Variants in GPR158 observed in about 807,000 individuals in gnomAD.
GPR158 encodes the protein G protein-coupled receptor 158.
In GPR158, 30 loss-of-function variants were observed where a neutral mutation model predicts 78.2. That is an observed-to-expected ratio of 0.38 (90% CI 0.29 to 0.52). The LOEUF (loss-of-function observed/expected upper bound fraction) is 0.52. Among genes scored for constraint, GPR158 ranks in the 20% least tolerant of loss-of-function variants. The pLI is 0.83. For synonymous variants in GPR158, 581 were observed against 591.1 expected (o/e 0.98, Z 0.25); for missense variants, 1,463 against 1,523.5 (o/e 0.96, Z 0.66).
At chr10:25,237,859 TATC>T (rs1195152079) in intron 2 of GPR158, among the ~76,000 whole-genome samples, 9 of 152,210 alleles carry the variant, frequency 5.9e-5, no homozygotes, top group African/African-American at 1.7e-4. Flanking sequence ...TTGAAAAACT[TATC>T]ATAATCAATT....
At chr10:25,252,573 G>T (rs28863900) in intron 2 of GPR158, among the ~76,000 whole-genome samples, 1 of 151,036 alleles carries the variant, frequency 6.6e-6, no homozygotes, top group Non-Finnish European at 1.5e-5. Flanking sequence ...ATACCCTGCC[G>T]TGTGAGGTGT....
chr10:25,579,219 A>AT (rs1236710973), intron 7 of GPR158, among the ~76,000 whole-genome samples: 1 of 149,446 alleles, frequency 6.7e-6, no homozygotes, highest in African/African-American at 2.5e-5. Context: ...CATGTTCAGG[A>AT]TTTTTTGCAA....
chr10:25,287,165 A>AT (rs895149383), intron 2 of GPR158, among the ~76,000 whole-genome samples: 14 of 151,292 alleles, frequency 9.3e-5, no homozygotes, highest in African/African-American at 3.4e-4. Flanking sequence ...ATGTAGAGAG[A>AT]TTTTTTTCCT....
chr10:25,292,580 T>C (rs1854455001), intron 2 of GPR158, among the ~76,000 whole-genome samples: 1 of 152,072 alleles, frequency 6.6e-6, no homozygotes, highest in Non-Finnish European at 1.5e-5. Context: ...AGTAAACAGT[T>C]GGAGAATGGG....
At chr10:25,208,069 A>G (rs1361718810) in intron 1 of GPR158, among the ~76,000 whole-genome samples, 1 of 152,222 alleles carries the variant, frequency 6.6e-6, no homozygotes, top group African/African-American at 2.4e-5. Context: ...GTAGGAGTTT[A>G]AAATATAATG....
At chr10:25,204,901 C>T (rs1298995933) in intron 1 of GPR158, among the ~76,000 whole-genome samples, 2 of 145,918 alleles carry the variant, frequency 1.4e-5, no homozygotes, top group African/African-American at 2.6e-5. Context: ...AACCAAATCT[C>T]ATCTTGAATT....
At chr10:25,526,761 T>C (rs1836351553) in intron 5 of GPR158, among the ~76,000 whole-genome samples, 2 of 152,118 alleles carry the variant, frequency 1.3e-5, no homozygotes, top group South Asian at 4.1e-4. Flanking sequence ...GCAGAGCTGG[T>C]CCACAGATGC....
chr10:25,182,347 A>G (rs1336674216), intron 1 of GPR158, among the ~76,000 whole-genome samples: 1 of 152,168 alleles, frequency 6.6e-6, no homozygotes, highest in African/African-American at 2.4e-5. Flanking sequence ...ATTTCTCTCG[A>G]GAGAATACAT....
chr10:25,489,058 T>C (rs1208388125), intron 5 of GPR158, among the ~76,000 whole-genome samples: 2 of 152,172 alleles, frequency 1.3e-5, no homozygotes, highest in Admixed American at 1.3e-4. Flanking sequence ...GCCTAGAATT[T>C]CTTTGAAGTC....
At chr10:25,346,624 T>A (rs924283380) in intron 2 of GPR158, among the ~76,000 whole-genome samples, 2 of 151,924 alleles carry the variant, frequency 1.3e-5, no homozygotes, top group African/African-American at 4.8e-5. Flanking sequence ...GGTAAGAGAT[T>A]AAATTGAAGT....
chr10:25,264,267 C>T (rs1172603313), intron 2 of GPR158, among the ~76,000 whole-genome samples: 1 of 152,166 alleles, frequency 6.6e-6, no homozygotes, highest in Non-Finnish European at 1.5e-5. Context: ...GTAAGCAGGT[C>T]TGCAGTTTCC....
chr10:25,253,608 T>A (rs1293561714), intron 2 of GPR158, among the ~76,000 whole-genome samples: 1 of 152,184 alleles, frequency 6.6e-6, no homozygotes, highest in Non-Finnish European at 1.5e-5. Context: ...AAGCTTGCTG[T>A]GTAGAAGATA....
At chr10:25,248,388 C>T (rs945571250) in intron 2 of GPR158, among the ~76,000 whole-genome samples, 1 of 152,038 alleles carries the variant, frequency 6.6e-6, no homozygotes, top group Non-Finnish European at 1.5e-5. Flanking sequence ...TGGTCCTTGC[C>T]CATGCCTATG....
intron 1 of GPR158, among the ~76,000 whole-genome samples, chr10:25,220,074 A>G (rs1853278077): frequency 6.6e-6 from 1 of 152,148 alleles, no homozygotes; most frequent in African/African-American, 2.4e-5. Context: ...AATTGTTTAA[A>G]TTAGGGGTGT....
intron 5 of GPR158, among the ~76,000 whole-genome samples, chr10:25,482,331 A>C (rs565997515): frequency 2.6e-5 from 4 of 151,978 alleles, no homozygotes; most frequent in Non-Finnish European, 5.9e-5. Flanking sequence ...CAATAGGTGT[A>C]TGCCACCACA....
intron 2 of GPR158, among the ~76,000 whole-genome samples, chr10:25,238,806 T>G (rs1364960120): frequency 6.6e-6 from 1 of 152,208 alleles, no homozygotes; most frequent in Non-Finnish European, 1.5e-5. Flanking sequence ...CATGATCACA[T>G]TTAGGTTTCT....
chr10:25,343,025 G>A (rs544201203), intron 2 of GPR158, among the ~76,000 whole-genome samples: 47 of 151,990 alleles, frequency 3.1e-4, no homozygotes, highest in Non-Finnish European at 4.9e-4. Context: ...ATCAATGAAA[G>A]TCTCTGATTT....
At chr10:25,468,007 TG>T (rs1835448873) in intron 5 of GPR158, among the ~76,000 whole-genome samples, 1 of 152,184 alleles carries the variant, frequency 6.6e-6, no homozygotes, top group East Asian at 1.9e-4. Context: ...ATGGCAGCAT[TG>T]CTCCGTACCA....
At chr10:25,238,762 G>A (rs1267217141) in intron 2 of GPR158, among the ~76,000 whole-genome samples, 1 of 152,202 alleles carries the variant, frequency 6.6e-6, no homozygotes, top group Non-Finnish European at 1.5e-5. Flanking sequence ...CAATCCAGCG[G>A]ATCTTCCATA....
Sources: gnomAD v4.1 joint callset for allele counts (sites outside exome capture counted in the v4.1 genomes callset) on GRCh38, gnomAD v4.1.1 for gene constraint, MANE v1.5 for transcripts, NCBI Gene and HGNC (gene_info 2026-07-23, HGNC 2026-07-21) for gene names.